ADAM12: variants seen among roughly 807,000 people sequenced by gnomAD.
ADAM12 encodes the protein ADAM metallopeptidase domain 12.
Under a neutral mutation model 106.4 loss-of-function variants are expected in ADAM12, and 70 were observed. The observed-to-expected ratio is 0.66, with a 90% CI of 0.54 to 0.80. The LOEUF (loss-of-function observed/expected upper bound fraction) is 0.80. Ranked by LOEUF, ADAM12 falls within the 30% of genes least tolerant of loss-of-function variation. ADAM12 has a pLI of 0.00. For synonymous variants in ADAM12, 420 were observed against 433.5 expected, an observed-to-expected ratio of 0.97 and a Z score of 0.39; for missense variants, 1,010 against 1,171.9, an observed-to-expected ratio of 0.86 and a Z score of 2.02.
At chr10:126,319,099 C>A (rs1853999258) in intron 2 of ADAM12, among the ~76,000 whole-genome samples, 1 of 152,146 alleles carries the variant, frequency 6.6e-6, no homozygotes, top group Non-Finnish European at 1.5e-5. Context: ...ACTGCCAAAC[C>A]ATATCAATAA....
At chr10:126,254,749 C>T (rs1958856735) in intron 3 of ADAM12, among the ~76,000 whole-genome samples, 1 of 152,202 alleles carries the variant, frequency 6.6e-6, no homozygotes, top group East Asian at 1.9e-4. Flanking sequence ...AACTGTGCAA[C>T]AGTCGCCATC....
intron 3 of ADAM12, among the ~76,000 whole-genome samples, chr10:126,250,877 T>C (rs1958732571): frequency 1.3e-5 from 2 of 152,342 alleles, no homozygotes; most frequent in South Asian, 4.1e-4. Context: ...ATCATTAGCT[T>C]TTTATTTGGA....
chr10:126,021,043 G>A (rs1953757727), intron 21 of ADAM12, among the ~76,000 whole-genome samples: 1 of 150,320 alleles, frequency 6.7e-6, no homozygotes, highest in South Asian at 2.1e-4. Context: ...TTTTTTCGTG[G>A]GGCCCCTCCT....
At chr10:126,083,402 G>GGCCTCTGGGCA (rs1955270036) in intron 11 of ADAM12, among the ~76,000 whole-genome samples, 1 of 152,170 alleles carries the variant, frequency 6.6e-6, no homozygotes, top group Non-Finnish European at 1.5e-5. Context: ...CCCAGGGCAG[G>GGCCTCTGGGCA]GCCTCTGGGC....
intron 5 of ADAM12, among the ~76,000 whole-genome samples, chr10:126,121,263 T>TTATATAA (rs1240524242): frequency 7.2e-5 from 8 of 110,408 alleles, no homozygotes; most frequent in Non-Finnish European, 1.2e-4. Context: ...ATACTATATA[T>TTATATAA]TATATAATAT....
At chr10:126,325,640 G>C (rs572608082) in intron 2 of ADAM12, among the ~76,000 whole-genome samples, 29 of 152,276 alleles carry the variant, frequency 1.9e-4, no homozygotes, top group Admixed American at 1.4e-3. Context: ...CAAGGAAGCT[G>C]GAAATTGGAC....
At chr10:126,324,112 A>G (rs1190935472) in intron 2 of ADAM12, among the ~76,000 whole-genome samples, 1 of 152,210 alleles carries the variant, frequency 6.6e-6, no homozygotes, top group Admixed American at 6.5e-5. Context: ...TGCCATGTGC[A>G]AGGCTGAATT....
At chr10:126,333,035 G>A (rs1239835002) in intron 1 of ADAM12, among the ~76,000 whole-genome samples, 1 of 152,160 alleles carries the variant, frequency 6.6e-6, no homozygotes, top group East Asian at 1.9e-4. Flanking sequence ...AGATCCATCT[G>A]AACTTTCCCT....
rs1312438767 is a variant in ADAM12 at position 126,065,859 on chromosome 10, C to G, written c.1413+858G>C. Among the ~76,000 whole-genome samples, 8 of 152,194 alleles carry G rather than the reference C, an allele frequency of 5.3e-5. No individual in the cohort carries two copies. In the East Asian group the frequency reaches 1.3e-3, roughly 26 times the overall value. ...CAGACTTGCTTCCCCCTTCCCCCGA[C>G]TCCCTTCCAGGCACCTTCCTTCACC... On this transcript the variant is annotated intron_variant, in intron 13 of 22. Coordinates refer to ENST00000448723, the MANE Select transcript of ADAM12 (RefSeq NM_001288973.2).
At chr10:126,218,947 G>C (rs910432645) in intron 3 of ADAM12, among the ~76,000 whole-genome samples, 1 of 152,172 alleles carries the variant, frequency 6.6e-6, no homozygotes, top group Non-Finnish European at 1.5e-5. Context: ...GCCTGACCTC[G>C]TGCTTGATGC....
At chr10:126,076,366 T>C (rs189878197) in intron 11 of ADAM12, among the ~76,000 whole-genome samples, 18 of 152,348 alleles carry the variant, frequency 1.2e-4, no homozygotes, top group Admixed American at 3.3e-4. Flanking sequence ...TGAATAGCGC[T>C]ATAATGAAAG....
intron 19 of ADAM12, among the ~76,000 whole-genome samples, chr10:126,038,948 AT>A (rs1590319092): frequency 9.9e-6 from 1 of 100,604 alleles, no homozygotes; most frequent in South Asian, 3.1e-4. Flanking sequence ...CTGAGACACC[AT>A]TTCTTTTTTT....
chr10:126,343,453 T>A (rs1855013655), intron 1 of ADAM12, among the ~76,000 whole-genome samples: 1 of 152,166 alleles, frequency 6.6e-6, no homozygotes, highest in Non-Finnish European at 1.5e-5. Context: ...GTTGGTTCCA[T>A]GTCTTTGCTA....
intron 3 of ADAM12, among the ~76,000 whole-genome samples, chr10:126,225,113 G>C (rs976714145): frequency 1.3e-5 from 2 of 152,218 alleles, no homozygotes; most frequent in African/African-American, 2.4e-5. Flanking sequence ...GGCTGTGCTG[G>C]TGGCAGAAGG....
intron 21 of ADAM12, among the ~76,000 whole-genome samples, chr10:126,028,067 A>AG (rs2133384990): frequency 6.6e-6 from 1 of 152,298 alleles, no homozygotes; most frequent in Non-Finnish European, 1.5e-5. Flanking sequence ...CAGCCAAATC[A>AG]TGAACTCCCA....
rs5788768 is a variant in ADAM12 at position 126,155,404 on chromosome 10, C to CTT, written c.261-101_261-100dup. On this transcript the variant is annotated intron_variant, in intron 3 of 22. Coordinates refer to ENST00000448723, the MANE Select transcript of ADAM12 (RefSeq NM_001288973.2). ...TATAGGGTAGCAAGATTGTGACCTC[C>CTT]TTTTTTTTTTTTTAACAGATAATCC... 3.9e-3 allele frequency: 3,139 copies of CTT among 804,484 alleles called. 4 individuals carry two copies. Among genetic ancestry groups the CTT allele is most frequent in the African/African-American group, 0.013 (709 of 54,074 alleles). 49.8% of individuals were successfully genotyped at this position (804,484 alleles called of 1,614,324 possible). A position where few individuals can be genotyped will look rare whatever the true frequency, so the allele number is the denominator to read the frequency against.
At chr10:126,219,423 T>C (rs1958048896) in intron 3 of ADAM12, among the ~76,000 whole-genome samples, 1 of 152,164 alleles carries the variant, frequency 6.6e-6, no homozygotes, top group Non-Finnish European at 1.5e-5. Context: ...GGACTTACAT[T>C]AATCTCTTTA....
chr10:126,223,866 A>C (rs1958142886), intron 3 of ADAM12, among the ~76,000 whole-genome samples: 1 of 152,210 alleles, frequency 6.6e-6, no homozygotes, highest in East Asian at 1.9e-4. Context: ...ATGTGAGGCC[A>C]ATGCTGGTAC....
chr10:126,143,724 ATGTGTATATGCATTG>A (rs1468137348), intron 4 of ADAM12, among the ~76,000 whole-genome samples: 2 of 151,742 alleles, frequency 1.3e-5, no homozygotes, highest in African/African-American at 4.8e-5. Context: ...GTGGGTATGC[ATGTGTATATGCATTG>A]TGTGTATATG....
Sources: gnomAD v4.1 joint callset for allele counts (sites outside exome capture counted in the v4.1 genomes callset) on GRCh38, gnomAD v4.1.1 for gene constraint, MANE v1.5 for transcripts, NCBI Gene and HGNC (gene_info 2026-07-23, HGNC 2026-07-21) for gene names.